COX7C: variants seen among roughly 807,000 people sequenced by gnomAD.
The protein encoded by COX7C is cytochrome c oxidase subunit 7C, mitochondrial.
In COX7C, 1 loss-of-function variant was observed where a neutral mutation model predicts 6.4. The observed-to-expected ratio is 0.16, with a 90% CI of 0.06 to 0.74. The LOEUF (loss-of-function observed/expected upper bound fraction) is 0.74. Ranked by LOEUF, COX7C falls within the 30% of genes least tolerant of loss-of-function variation. The pLI is 0.78. For synonymous variants in COX7C, 24 were observed against 28.9 expected, an observed-to-expected ratio of 0.83 and a Z score of 0.54; for missense variants, 54 against 73.7, an observed-to-expected ratio of 0.73 and a Z score of 0.98.
At chr5:86,619,159 C>G (rs943143705) in intron 1 of COX7C, among the ~76,000 whole-genome samples, 194 bp from the exon 2 acceptor site, 1 of 152,060 alleles carries the variant, frequency 6.6e-6, no homozygotes, top group African/African-American at 2.4e-5. Flanking sequence ...CAGATTATTT[C>G]TTGCCATGTA....
At chr5:86,619,320 A>T in intron 1 of COX7C, 33 bp from the exon 2 acceptor site, 1 of 1,314,270 alleles carries the variant, frequency 7.6e-7, no homozygotes, top group Non-Finnish European at 1.1e-6. Context: ...TTGAGATTCA[A>T]TTTCGATTAC....
At position 86,620,738 on chromosome 5, in the gene COX7C, T is replaced by TA. The variant is rs1263677637; in HGVS notation, c.*99dup. 5 of 332,542 alleles carry TA rather than the reference T, an allele frequency of 1.5e-5. No homozygotes were observed. The highest frequency in any genetic ancestry group is 6.1e-5 in the Admixed American group (2 of 32,676). The allele number at this position is 332,542 out of a possible 1,614,324, so 20.6% of individuals were successfully genotyped here. On this transcript the variant is annotated 3_prime_UTR_variant, in exon 3 of 3. Coordinates refer to ENST00000247655, the MANE Select transcript of COX7C (RefSeq NM_001867.3). Reference sequence around the variant, plus strand: ...ACTAGAACTCATATGCCATACTAGATATGTTTGTCAATAAACTTATGACGT... The same window carrying TA: ...ACTAGAACTCATATGCCATACTAGATAATGTTTGTCAATAAACTTATGACGT...
intron 2 of COX7C, chr5:86,620,287 G>A (rs1750093933): frequency 6.5e-6 from 1 of 152,884 alleles, no homozygotes; most frequent in East Asian, 1.9e-4. Context: ...GTGGTGCTGA[G>A]GTTGAGAAGC....
At chr5:86,618,701 A>C (rs1433068708) in intron 1 of COX7C, among the ~76,000 whole-genome samples, 3 of 152,172 alleles carry the variant, frequency 2.0e-5, no homozygotes. Flanking sequence ...AACAAAAAAA[A>C]CTGTGGGCCA....
chr5:86,619,908 C>G (rs1369019849), intron 2 of COX7C: 2 of 159,094 alleles, frequency 1.3e-5, no homozygotes, highest in Non-Finnish European at 2.8e-5. Flanking sequence ...TAATGTTACT[C>G]TATCTTGAAC....
chr5:86,618,188 G>GCA, intron 1 of COX7C, 58 bp downstream of exon 1: 3 of 1,525,162 alleles, frequency 2.0e-6, no homozygotes, highest in Non-Finnish European at 2.7e-6. Flanking sequence ...TGTGACTCGC[G>GCA]CACCTGCAAG....
chr5:86,620,596 A>G (rs142485335), intron 2 of COX7C, 72 bp from the exon 3 acceptor site: 4,511 of 418,148 alleles, frequency 0.011, 43 homozygotes, highest in Non-Finnish European at 0.017. Flanking sequence ...AAATATTTTC[A>G]TGAAACTACA....
intron 1 of COX7C, among the ~76,000 whole-genome samples, chr5:86,618,937 G>A (rs1165318365): frequency 5.3e-5 from 8 of 150,898 alleles, no homozygotes; most frequent in Non-Finnish European, 1.2e-4. Context: ...AGCCGAGATC[G>A]GGCCACTGCA....
chr5:86,618,608 C>T (rs2112176668), intron 1 of COX7C, among the ~76,000 whole-genome samples: 1 of 152,170 alleles, frequency 6.6e-6, no homozygotes, highest in South Asian at 2.1e-4. Flanking sequence ...TAACTTAAAC[C>T]ACATAGCAGT....
intron 1 of COX7C, 27 bp from the exon 2 acceptor site, chr5:86,619,326 A>G (rs771394349): frequency 1.5e-6 from 2 of 1,367,854 alleles, no homozygotes; most frequent in Admixed American, 1.7e-5. Context: ...TTCAATTTCG[A>G]TTACTTTTTC....
intron 1 of COX7C, 173 bp downstream of exon 1, chr5:86,618,303 A>T: frequency 1.6e-6 from 1 of 628,482 alleles, no homozygotes; most frequent in Non-Finnish European, 2.8e-6. Flanking sequence ...TGGGCATCCT[A>T]GCGCGTAGCC....
At chr5:86,619,263 A>G in intron 1 of COX7C, 90 bp from the exon 2 acceptor site, 1 of 787,330 alleles carries the variant, frequency 1.3e-6, no homozygotes, top group Non-Finnish European at 2.2e-6. Context: ...TGTAAAATAT[A>G]ACTAGCATTT....
At chr5:86,620,479 C>G in intron 2 of COX7C, 189 bp from the exon 3 acceptor site, 1 of 243,688 alleles carries the variant, frequency 4.1e-6, no homozygotes, top group South Asian at 4.3e-5. Context: ...AATAACTTAT[C>G]CAAGCTACTA....
intron 1 of COX7C, among the ~76,000 whole-genome samples, chr5:86,618,816 T>TA (rs1238134986): frequency 1.6e-4 from 24 of 152,032 alleles, no homozygotes; most frequent in Admixed American, 1.3e-3. Flanking sequence ...CTGTCTCTAC[T>TA]AAAAAGTACA....
At chr5:86,619,177 G>A (rs1580393095) in intron 1 of COX7C, among the ~76,000 whole-genome samples, 176 bp from the exon 2 acceptor site, 1 of 152,136 alleles carries the variant, frequency 6.6e-6, no homozygotes, top group African/African-American at 2.4e-5. Context: ...GTAGTGTTTT[G>A]TGATGAAGGT....
chr5:86,618,358 G>A (rs1750045540), intron 1 of COX7C: 1 of 503,644 alleles, frequency 2.0e-6, no homozygotes, highest in Non-Finnish European at 3.6e-6. Flanking sequence ...GCCTCCATCA[G>A]CCACCTGACG....
At chr5:86,618,179 G>A in intron 1 of COX7C, 49 bp downstream of exon 1, 1 of 1,573,694 alleles carries the variant, frequency 6.4e-7, no homozygotes, top group South Asian at 1.1e-5. Context: ...GCGCTTGGCT[G>A]TGACTCGCGC....
At chr5:86,618,227 G>A in intron 1 of COX7C, 97 bp downstream of exon 1, 1 of 1,141,374 alleles carries the variant, frequency 8.8e-7, no homozygotes, top group Non-Finnish European at 1.3e-6. Context: ...CGTGGGAGAT[G>A]ATAGCCAGAA....
In COX7C at chr5:86,617,947, A is replaced by T; in HGVS notation, c.-109A>T. 1 of 970,922 alleles carries T rather than the reference A, an allele frequency of 1.0e-6. No homozygotes were observed. The highest frequency in any genetic ancestry group is 1.6e-6 in the Non-Finnish European group (1 of 627,438). 60.1% of individuals were successfully genotyped at this position (970,922 alleles called of 1,614,324 possible). A position where few individuals can be genotyped will look rare whatever the true frequency, so the allele number is the denominator to read the frequency against. Reference sequence around the variant, plus strand: ...CGCCCCATTTCCCATCTTTCTTTTCAGTCCTTGCGCACCGGGGAACAAGGT... The same window carrying T: ...CGCCCCATTTCCCATCTTTCTTTTCTGTCCTTGCGCACCGGGGAACAAGGT... On this transcript the variant is annotated 5_prime_UTR_variant, in exon 1 of 3. Transcript: ENST00000247655.
Sources: gnomAD v4.1 joint callset for allele counts (sites outside exome capture counted in the v4.1 genomes callset) on GRCh38, gnomAD v4.1.1 for gene constraint, MANE v1.5 for transcripts, NCBI Gene and HGNC (gene_info 2026-07-23, HGNC 2026-07-21) for gene names.